The following NBEAL1 variants were observed in gnomAD, a reference collection of about 807,000 sequenced individuals.
NBEAL1 encodes neurobeachin like 1.
NBEAL1 carries 273 observed loss-of-function variants against 351.3 expected under a neutral mutation model. That is an observed-to-expected ratio of 0.78 (90% CI 0.70 to 0.86). The LOEUF is 0.86. NBEAL1 is among the 40% of genes least tolerant of loss of function. The pLI is 0.00. For missense variants in NBEAL1, 2,961 were observed against 3,201.3 expected, an observed-to-expected ratio of 0.92 and a Z score of 1.81; for synonymous variants, 1,050 against 1,086.4, an observed-to-expected ratio of 0.97 and a Z score of 0.66.
At chr2:203,034,218 A>G (rs1408666747) in intron 2 of NBEAL1, among the ~76,000 whole-genome samples, 1 of 146,538 alleles carries the variant, frequency 6.8e-6, no homozygotes, top group Non-Finnish European at 1.5e-5. Flanking sequence ...AGTGCAGTAG[A>G]GCGATCTTGG....
chr2:203,153,659 A>G (rs1025836887), intron 35 of NBEAL1, among the ~76,000 whole-genome samples: 2 of 152,178 alleles, frequency 1.3e-5, no homozygotes, highest in African/African-American at 4.8e-5. Context: ...AGTTGTGTAT[A>G]GCTTTTTCTC....
intron 24 of NBEAL1, among the ~76,000 whole-genome samples, chr2:203,128,139 CAGTGG>C (rs2062985962): frequency 6.6e-6 from 1 of 151,332 alleles, no homozygotes; most frequent in Admixed American, 6.6e-5. Context: ...GGCTGGAGTG[CAGTGG>C]CACGATCTCG....
chr2:203,050,065 A>G, intron 4 of NBEAL1, 90 bp downstream of exon 4: 1 of 1,214,272 alleles, frequency 8.2e-7, no homozygotes, highest in Non-Finnish European at 1.2e-6. Context: ...AACATCACAC[A>G]CTGGGCCTAT....
At position 203,135,792 on chromosome 2, in the gene NBEAL1, C is replaced by T. The variant is rs199672188; in HGVS notation, c.3929C>T (p.Thr1310Ile). 1 of 1,612,212 alleles carries T rather than the reference C, an allele frequency of 6.2e-7. No individual in the cohort carries two copies. Among genetic ancestry groups the T allele is most frequent in the Non-Finnish European group, 8.5e-7 (1 of 1,179,044 alleles). ...AAAGCAAAATTTGAAAACGGAAATA[C>T]TCTTCATAAGCACAGTAGAGCTGTT... ...FLKAKFENGNTLHKHSRAVLM... is the reference protein window; with the variant it reads ...FLKAKFENGNILHKHSRAVLM... The change falls in exon 28 of 56, where the codon ACT becomes ATT. Residue 1310 changes from threonine (T) to isoleucine (I), a missense_variant. Thr to Ile is a moderately conservative substitution (Grantham distance 89, BLOSUM62 -1). Coordinates refer to ENST00000683969, the MANE Select transcript of NBEAL1 (RefSeq NM_001378026.1).
intron 7 of NBEAL1, among the ~76,000 whole-genome samples, chr2:203,070,410 C>G (rs2061662819): frequency 8.0e-6 from 1 of 125,290 alleles, no homozygotes; most frequent in African/African-American, 3.1e-5. Flanking sequence ...GTTGTCCAGT[C>G]TGGAGTGCTA....
At chr2:203,174,582 A>G (rs2064433960) in intron 41 of NBEAL1, among the ~76,000 whole-genome samples, 1 of 152,106 alleles carries the variant, frequency 6.6e-6, no homozygotes, top group African/African-American at 2.4e-5. Context: ...ATGAACATGT[A>G]TTATTATTGC....
At chr2:203,188,672 T>C in intron 45 of NBEAL1, 83 bp downstream of exon 45, 1 of 716,162 alleles carries the variant, frequency 1.4e-6, no homozygotes, top group Non-Finnish European at 2.3e-6. Context: ...TTGAAGCCTA[T>C]TTAATATCAG....
At chr2:203,148,829 A>G (rs1390744266) in intron 33 of NBEAL1, among the ~76,000 whole-genome samples, 162 bp from the exon 34 acceptor site, 2 of 152,014 alleles carry the variant, frequency 1.3e-5, no homozygotes, top group African/African-American at 2.4e-5. Context: ...CACTTCATCA[A>G]AGAAAATGAT....
At chr2:203,020,608 T>C (rs1001535951) in intron 2 of NBEAL1, among the ~76,000 whole-genome samples, 1 of 150,966 alleles carries the variant, frequency 6.6e-6, no homozygotes, top group African/African-American at 2.4e-5. Flanking sequence ...GAAACAGAGG[T>C]TGCAGTGAGC....
chr2:203,014,640 C>G (rs559228602), upstream of NBEAL1: 2 of 152,390 alleles, frequency 1.3e-5, no homozygotes, highest in South Asian at 4.1e-4. Context: ...AGGGAAGGCT[C>G]GTTTCAGTGC....
At position 203,107,819 on chromosome 2, in the gene NBEAL1, A is replaced by G. The variant is rs1325325133; in HGVS notation, c.1580A>G (p.Asp527Gly). 6.4e-7 allele frequency: 1 copy of G among 1,554,462 alleles called. No individual in the cohort carries two copies. Among genetic ancestry groups the G allele is most frequent in the African/African-American group, 1.4e-5 (1 of 73,582 alleles). Residue 527 changes from aspartate to glycine, a missense_variant, in exon 14 of 56, where the codon GAC (aspartate) becomes GGC (glycine). By Grantham distance (94) the Asp-to-Gly change is moderately conservative. Coordinates refer to ENST00000683969, the MANE Select transcript of NBEAL1 (RefSeq NM_001378026.1). ...GGGATTAGAATCATTGAAACCCTTGACTTGCATTCTTCCCTCCATCAAACT... is the reference window on the plus strand; with the variant it reads ...GGGATTAGAATCATTGAAACCCTTGGCTTGCATTCTTCCCTCCATCAAACT... The part of the protein sequence containing the change: ...NMGIRIIETL[D>G]LHSSLHQTCA...
chr2:203,198,572 A>C (rs987190218), intron 48 of NBEAL1, among the ~76,000 whole-genome samples: 2 of 152,156 alleles, frequency 1.3e-5, no homozygotes, highest in Non-Finnish European at 2.9e-5. Context: ...CTTCCTAAAG[A>C]AAGATAAATT....
intron 2 of NBEAL1, among the ~76,000 whole-genome samples, chr2:203,033,623 G>A (rs903854740): frequency 6.6e-6 from 1 of 152,120 alleles, no homozygotes; most frequent in African/African-American, 2.4e-5. Flanking sequence ...ACCAGATCTA[G>A]GAAATGATGA....
chr2:203,192,951 T>TTTTCTTTTTTTC (rs2065133649), intron 46 of NBEAL1, among the ~76,000 whole-genome samples: 1 of 122,700 alleles, frequency 8.1e-6, no homozygotes, highest in Non-Finnish European at 1.7e-5. Flanking sequence ...TATTGACTTT[T>TTTTCTTTTTTTC]TTTCTTTCTT....
chr2:203,122,077 C>T (rs937407134), intron 18 of NBEAL1, among the ~76,000 whole-genome samples, 177 bp from the exon 19 acceptor site: 14 of 152,286 alleles, frequency 9.2e-5, no homozygotes, highest in African/African-American at 3.4e-4. Context: ...TGAGCCACCA[C>T]GCCCGGCCCT....
intron 36 of NBEAL1, among the ~76,000 whole-genome samples, chr2:203,159,409 A>G (rs1268104906): frequency 2.0e-5 from 3 of 151,286 alleles, no homozygotes; most frequent in African/African-American, 7.3e-5. Flanking sequence ...ACCACTAATT[A>G]CTTTGTCTCT....
intron 36 of NBEAL1, 21 bp downstream of exon 36, chr2:203,157,846 T>G (rs1212865628): frequency 6.7e-7 from 1 of 1,481,786 alleles, no homozygotes; most frequent in Non-Finnish European, 8.9e-7. Flanking sequence ...ATATTTAAAA[T>G]TATTTTGTTC....
intron 1 of NBEAL1, among the ~76,000 whole-genome samples, chr2:203,015,516 A>G (rs931198279): frequency 4.0e-5 from 6 of 149,996 alleles, no homozygotes; most frequent in African/African-American, 1.2e-4. Context: ...ACTGGAGTGC[A>G]GTGGCGTGAT....
chr2:203,104,896 G>T (rs1489181455), intron 12 of NBEAL1, among the ~76,000 whole-genome samples: 1 of 148,704 alleles, frequency 6.7e-6, no homozygotes, highest in Non-Finnish European at 1.5e-5. Flanking sequence ...GTCTTGCTCT[G>T]TTGCCCAGGT....
Sources: gnomAD v4.1 joint callset for allele counts (sites outside exome capture counted in the v4.1 genomes callset) on GRCh38, gnomAD v4.1.1 for gene constraint, MANE v1.5 for transcripts, NCBI Gene and HGNC (gene_info 2026-07-23, HGNC 2026-07-21) for gene names.